Variants in CDKN2B-AS1 observed in about 807,000 individuals in gnomAD.
CDKN2B-AS1 encodes CDKN2B and CDKN2A antisense cis and trans regulatory RNA 1.
chr9:22,058,772 A>G (rs958360277), intron 4 of CDKN2B-AS1: 3 of 162,094 alleles, frequency 1.9e-5, no homozygotes, highest in African/African-American at 7.2e-5. Context: ...CCTGCTGATA[A>G]AGACCCAAAA....
At chr9:22,040,540 G>A (rs1822856843) in intron 1 of CDKN2B-AS1, among the ~76,000 whole-genome samples, 1 of 151,934 alleles carries the variant, frequency 6.6e-6, no homozygotes, top group East Asian at 1.9e-4. Flanking sequence ...GAAGTTTTAT[G>A]AAGCCAAGCA....
chr9:22,067,315 A>G (rs750576582), intron 4 of CDKN2B-AS1, among the ~76,000 whole-genome samples: 1 of 152,214 alleles, frequency 6.6e-6, no homozygotes, highest in Non-Finnish European at 1.5e-5. Context: ...TCTTTTATTC[A>G]GAAGACTGGA....
chr9:22,116,366 C>T (rs1461528265), intron 4 of CDKN2B-AS1, among the ~76,000 whole-genome samples: 1 of 152,200 alleles, frequency 6.6e-6, no homozygotes. Context: ...AACTGTGATA[C>T]ATTAATTAAC....
chr9:22,128,021 T>C (rs1339668239), exon 5 of CDKN2B-AS1, among the ~76,000 whole-genome samples: 1 of 152,154 alleles, frequency 6.6e-6, no homozygotes, highest in Non-Finnish European at 1.5e-5. Flanking sequence ...ATCTGGAAAA[T>C]GATGATCATA....
At chr9:22,011,816 T>C (rs1467531557) in intron 1 of CDKN2B-AS1, among the ~76,000 whole-genome samples, 1 of 152,214 alleles carries the variant, frequency 6.6e-6, no homozygotes, top group Non-Finnish European at 1.5e-5. Flanking sequence ...CACAATCTGT[T>C]GTTAATGCTT....
In CDKN2B-AS1 at chr9:22,006,323, G is replaced by C; in HGVS notation, n.29+11162G>C. 6.3e-7 allele frequency: 1 copy of C among 1,583,126 alleles called. No homozygotes were observed. Among genetic ancestry groups the C allele is most frequent in the South Asian group, 1.1e-5 (1 of 89,428 alleles). ...GATGCCGGCCGGGGCAAGGCAGGTG[G>C]AGCCATTTAAAGAAACACCTAATTG... On this transcript the variant is annotated intron_variant and non_coding_transcript_variant, in intron 1 of 4. Coordinates refer to ENST00000650946, the Ensembl canonical transcript of CDKN2B-AS1. This position sits in a 1 kb window ranked among gnomAD's most constrained non-coding sequence, Gnocchi z 6.4.
chr9:22,075,772 C>T (rs571887823), intron 4 of CDKN2B-AS1, among the ~76,000 whole-genome samples: 2 of 152,258 alleles, frequency 1.3e-5, no homozygotes, highest in Admixed American at 6.5e-5. Flanking sequence ...AAGGGACAAC[C>T]GTTCACGTGA....
intron 1 of CDKN2B-AS1, among the ~76,000 whole-genome samples, chr9:22,026,023 T>A (rs1383375237): frequency 2.0e-5 from 3 of 151,820 alleles, no homozygotes; most frequent in Non-Finnish European, 4.4e-5. Flanking sequence ...AGAACACCAG[T>A]TGGGGTAGCC....
At chr9:22,040,629 T>C (rs141993733) in intron 1 of CDKN2B-AS1, among the ~76,000 whole-genome samples, 4 of 151,990 alleles carry the variant, frequency 2.6e-5, no homozygotes, top group Non-Finnish European at 5.9e-5. Flanking sequence ...CTCCTTGATA[T>C]TCCTGAGTTA....
intron 4 of CDKN2B-AS1, among the ~76,000 whole-genome samples, chr9:22,065,107 G>A (rs1435268064): frequency 7.9e-5 from 12 of 152,208 alleles, no homozygotes; most frequent in Admixed American, 7.2e-4. Context: ...CACCTGGGCT[G>A]ATTCTCTCTA....
chr9:22,031,290 C>A (rs1822459200), intron 1 of CDKN2B-AS1, among the ~76,000 whole-genome samples: 1 of 152,122 alleles, frequency 6.6e-6, no homozygotes, highest in African/African-American at 2.4e-5. Context: ...CACCTACAGT[C>A]CATATACCAC....
chr9:22,071,150 A>T (rs547536900), intron 4 of CDKN2B-AS1, among the ~76,000 whole-genome samples: 1 of 150,518 alleles, frequency 6.6e-6, no homozygotes, highest in East Asian at 1.9e-4. Context: ...TAGGAGATAC[A>T]TCTGGCCTCT....
At position 22,109,678 on chromosome 9, in the gene CDKN2B-AS1, T is replaced by C. The variant is rs1235241273; in HGVS notation, n.439-17425T>C. Among the ~76,000 whole-genome samples, 3 of 152,176 alleles carry C rather than the reference T, an allele frequency of 2.0e-5. No individual in the cohort carries two copies. In the East Asian group the frequency reaches 5.8e-4, roughly 29 times the overall value. On this transcript the variant is annotated intron_variant and non_coding_transcript_variant, in intron 4 of 4. Coordinates refer to ENST00000650946, the Ensembl canonical transcript of CDKN2B-AS1. Reference sequence around the variant, plus strand: ...GTTCTCTGAAATTACATATGAGATGTCATCTGCCATTTAGTATTAGCTGTG... The same window carrying C: ...GTTCTCTGAAATTACATATGAGATGCCATCTGCCATTTAGTATTAGCTGTG...
Position 22,091,308 on chromosome 9 carries a change from A to G in CDKN2B-AS1, n.438+34921A>G, listed in dbSNP as rs112621062. ...TGGCTTAGGATTGACTTGGCAATGC[A>G]GGCTCTTTTTTGGTTCCATATGAAC... On this transcript the variant is annotated intron_variant and non_coding_transcript_variant, in intron 4 of 4. Transcript: ENST00000650946. Among the ~76,000 whole-genome samples the G allele has an allele frequency of 3.3e-5, 5 of 152,192 alleles. No individual in the cohort carries two copies. In the East Asian group the frequency reaches 5.8e-4, roughly 18 times the overall value.
At chr9:22,012,245 C>T in intron 1 of CDKN2B-AS1, 3 of 1,429,462 alleles carry the variant, frequency 2.1e-6, no homozygotes, top group Non-Finnish European at 3.0e-6. Flanking sequence ...TGCGAAAATT[C>T]AAGACAAGGA....
chr9:22,092,242 T>A (rs1825117665), intron 4 of CDKN2B-AS1: 1 of 152,186 alleles, frequency 6.6e-6, no homozygotes, highest in African/African-American at 2.4e-5. Flanking sequence ...TATTGAAGAT[T>A]TTTGCATCGA....
chr9:21,998,975 TAA>T (rs535718873), intron 1 of CDKN2B-AS1, among the ~76,000 whole-genome samples: 2 of 151,774 alleles, frequency 1.3e-5, no homozygotes, highest in African/African-American at 4.8e-5. Flanking sequence ...AACAATCCAA[TAA>T]AAAAGGCAAA....
At chr9:22,008,942 C>T (rs1474279451) in intron 1 of CDKN2B-AS1, 1 of 1,613,050 alleles carries the variant, frequency 6.2e-7, no homozygotes, top group Non-Finnish European at 8.5e-7. Flanking sequence ...TGCCCTTGTT[C>T]TCCTCGCGCA....
intron 4 of CDKN2B-AS1, among the ~76,000 whole-genome samples, chr9:22,079,960 T>A (rs138192718): frequency 2.0e-5 from 3 of 152,322 alleles, no homozygotes; most frequent in African/African-American, 4.8e-5. Flanking sequence ...AGAGCAGCAA[T>A]GCCTTATGAA....
Sources: gnomAD v4.1 joint callset for allele counts (sites outside exome capture counted in the v4.1 genomes callset) on GRCh38, gnomAD v4.1.1 for gene constraint, Gnocchi (gnomAD v3.1) non-coding constraint, MANE v1.5 for transcripts, NCBI Gene and HGNC (gene_info 2026-07-23, HGNC 2026-07-21) for gene names.